The following CDH18 variants were observed in gnomAD, a reference collection of about 807,000 sequenced individuals.
CDH18 encodes cadherin-18.
Under a neutral mutation model 67.9 loss-of-function variants are expected in CDH18, and 31 were observed. The observed-to-expected ratio is 0.46, with a 90% confidence interval of 0.34 to 0.62. CDH18 has a LOEUF of 0.62. CDH18 is among the 20% of genes least tolerant of loss of function. CDH18 has a pLI of 0.01. For synonymous variants in CDH18, 362 were observed against 347.2 expected (o/e 1.04, Z -0.48); for missense variants, 890 against 975.5 (o/e 0.91, Z 1.17).
At chr5:20,099,101 TTGA>T (rs1746239951) in intron 2 of CDH18, among the ~76,000 whole-genome samples, 1 of 152,226 alleles carries the variant, frequency 6.6e-6, no homozygotes, top group Admixed American at 6.5e-5. Flanking sequence ...TGCAAAGATG[TTGA>T]TATTTTGTTA....
intron 1 of CDH18, among the ~76,000 whole-genome samples, chr5:20,397,623 G>A (rs1443120464): frequency 6.6e-6 from 1 of 151,998 alleles, no homozygotes; most frequent in Non-Finnish European, 1.5e-5. Context: ...TTAGACTACC[G>A]CTGTCAGACA....
chr5:20,159,449 A>G (rs928964092), intron 2 of CDH18, among the ~76,000 whole-genome samples: 3 of 152,204 alleles, frequency 2.0e-5, no homozygotes, highest in African/African-American at 4.8e-5. Flanking sequence ...ACATGAGCCA[A>G]TCCAACATAC....
At chr5:19,982,269 C>G (rs1053949619) in intron 1 of CDH18, among the ~76,000 whole-genome samples, 1 of 151,924 alleles carries the variant, frequency 6.6e-6, no homozygotes, top group Non-Finnish European at 1.5e-5. Flanking sequence ...TCACTACAAC[C>G]AAAATAGATT....
At chr5:20,512,530 T>G (rs1755103587) in intron 1 of CDH18, among the ~76,000 whole-genome samples, 1 of 152,114 alleles carries the variant, frequency 6.6e-6, no homozygotes, top group Non-Finnish European at 1.5e-5. Context: ...TCCAATCATC[T>G]TTATATTTTG....
chr5:20,167,396 A>C (rs1424233417), intron 2 of CDH18, among the ~76,000 whole-genome samples: 2 of 152,044 alleles, frequency 1.3e-5, no homozygotes, highest in Non-Finnish European at 2.9e-5. Flanking sequence ...AAAAGATATT[A>C]AGAGCTAAAT....
At chr5:20,275,783 A>G (rs2126679598) in intron 1 of CDH18, among the ~76,000 whole-genome samples, 1 of 152,298 alleles carries the variant, frequency 6.6e-6, no homozygotes, top group South Asian at 2.1e-4. Context: ...TCACTGAAAC[A>G]GGCTCTGAAT....
At chr5:20,558,713 G>A (rs1376418201) in intron 1 of CDH18, among the ~76,000 whole-genome samples, 4 of 151,994 alleles carry the variant, frequency 2.6e-5, no homozygotes, top group Non-Finnish European at 5.9e-5. Flanking sequence ...TTTTGTTTGT[G>A]GAAATATGGG....
At chr5:19,667,402 G>T (rs891207126) in intron 5 of CDH18, among the ~76,000 whole-genome samples, 1 of 149,932 alleles carries the variant, frequency 6.7e-6, no homozygotes, top group African/African-American at 2.4e-5. Context: ...ATTATATATT[G>T]TTTTCTCCTT....
chr5:20,146,759 A>T (rs1397213752), intron 2 of CDH18, among the ~76,000 whole-genome samples: 2 of 152,080 alleles, frequency 1.3e-5, no homozygotes, highest in Non-Finnish European at 2.9e-5. Flanking sequence ...AACATGTATT[A>T]ACTGACAATA....
intron 2 of CDH18, among the ~76,000 whole-genome samples, chr5:20,080,754 T>C (rs941176273): frequency 7.9e-5 from 12 of 152,052 alleles, no homozygotes. Context: ...GGAAATAATG[T>C]AAATGAAGAA....
At chr5:19,621,657 T>G (rs75803831) in intron 5 of CDH18, among the ~76,000 whole-genome samples, 165 of 152,242 alleles carry the variant, frequency 1.1e-3, no homozygotes, top group African/African-American at 3.7e-3. Flanking sequence ...AAATGGTGGT[T>G]TTCCAGGGGC....
At chr5:20,352,624 C>CAAAAA (rs35947411) in intron 1 of CDH18, among the ~76,000 whole-genome samples, 4 of 89,138 alleles carry the variant, frequency 4.5e-5, no homozygotes, top group Admixed American at 2.6e-4. Context: ...ACTAAAAATA[C>CAAAAA]AAAAAAAAAA....
At chr5:19,628,798 A>G (rs1751958468) in intron 5 of CDH18, among the ~76,000 whole-genome samples, 1 of 152,192 alleles carries the variant, frequency 6.6e-6, no homozygotes, top group Admixed American at 6.5e-5. Context: ...TACTACTTAA[A>G]GCCCTTAACC....
chr5:19,771,905 T>G (rs1773776031), intron 3 of CDH18, among the ~76,000 whole-genome samples: 2 of 152,212 alleles, frequency 1.3e-5, no homozygotes, highest in Non-Finnish European at 2.9e-5. Context: ...AGTTTTCAAA[T>G]GTCTCCACAT....
chr5:19,604,907 T>A (rs1345203236), intron 6 of CDH18, among the ~76,000 whole-genome samples: 1 of 152,018 alleles, frequency 6.6e-6, no homozygotes, highest in Non-Finnish European at 1.5e-5. Context: ...TCACTCTTAA[T>A]CATAAATAAC....
chr5:20,024,765 C>G (rs1239198908), intron 2 of CDH18, among the ~76,000 whole-genome samples: 2 of 152,082 alleles, frequency 1.3e-5, no homozygotes, highest in African/African-American at 4.8e-5. Context: ...GGAGATGAAC[C>G]TAAGTTTTTC....
At chr5:19,506,918 C>A (rs1744275574) in intron 10 of CDH18, among the ~76,000 whole-genome samples, 1 of 152,124 alleles carries the variant, frequency 6.6e-6, no homozygotes, top group Non-Finnish European at 1.5e-5. Flanking sequence ...TCTAATTAAA[C>A]TAAAGAGCTT....
At position 20,513,431 on chromosome 5, in the gene CDH18, C is replaced by T. The variant is rs535535006; in HGVS notation, c.-580+62031G>A. ...TTGATAAATTCTGTTGTTAACTCAT[C>T]TATATTTCCCCTGGGGACAAGTGTA... On this transcript the variant is annotated intron_variant, in intron 1 of 14. Coordinates refer to the CDH18 transcript ENST00000507958. 1.1e-4 allele frequency among the ~76,000 whole-genome samples: 17 copies of T among 152,222 alleles called. 2 individuals are homozygous for T. Among genetic ancestry groups the T allele is most frequent in the African/African-American group, 3.6e-4 (15 of 41,552 alleles).
intron 1 of CDH18, among the ~76,000 whole-genome samples, chr5:20,515,048 G>A (rs1167586407): frequency 1.3e-5 from 2 of 149,410 alleles, no homozygotes; most frequent in South Asian, 2.1e-4. Flanking sequence ...ACATCAATAA[G>A]AGAAACAGCA....
Sources: gnomAD v4.1 joint callset for allele counts (sites outside exome capture counted in the v4.1 genomes callset) on GRCh38, gnomAD v4.1.1 for gene constraint, MANE v1.5 for transcripts, NCBI Gene and HGNC (gene_info 2026-07-23, HGNC 2026-07-21) for gene names.